Variants in CHAT observed in about 807,000 individuals in gnomAD.
CHAT encodes the protein acetyl CoA:choline O-acetyltransferase.
In CHAT, 61 loss-of-function variants were observed where a neutral mutation model predicts 76.9. The observed-to-expected ratio is 0.79, with a 90% CI of 0.65 to 0.98. The LOEUF (loss-of-function observed/expected upper bound fraction) is 0.98. CHAT is among the 50% of genes least tolerant of loss of function. CHAT has a pLI of 0.00. For missense variants in CHAT, 946 were observed against 986.9 expected (o/e 0.96, Z 0.56); for synonymous variants, 407 against 397.4 (o/e 1.02, Z -0.29).
intron 6 of CHAT, among the ~76,000 whole-genome samples, chr10:49,626,885 G>A (rs779115818): frequency 1.3e-5 from 2 of 152,250 alleles, no homozygotes; most frequent in Non-Finnish European, 2.9e-5. Flanking sequence ...AGCACATGTA[G>A]GTATACATGT....
intron 7 of CHAT, among the ~76,000 whole-genome samples, chr10:49,638,166 A>G (rs1008342669): frequency 6.6e-6 from 1 of 152,176 alleles, no homozygotes; most frequent in Non-Finnish European, 1.5e-5. Context: ...TGGAGGATTT[A>G]TCCTTCACTT....
upstream of CHAT, chr10:49,610,661 C>A (rs956754475): frequency 1.5e-6 from 2 of 1,373,028 alleles, no homozygotes; most frequent in Non-Finnish European, 1.9e-6. Context: ...CCCGAAGTCC[C>A]GTGCCCTCGC....
chr10:49,663,795 C>T (rs533413262), intron 14 of CHAT, among the ~76,000 whole-genome samples: 1 of 152,296 alleles, frequency 6.6e-6, no homozygotes, highest in South Asian at 2.1e-4. Flanking sequence ...AGCATGCAGA[C>T]GTGAATAAAC....
upstream of CHAT, chr10:49,612,054 G>A (rs1838313655): frequency 6.2e-7 from 1 of 1,613,576 alleles, no homozygotes. Flanking sequence ...GGCCCATAGT[G>A]GCAGGCCACA....
At chr10:49,610,698 G>A (rs766891845), upstream of CHAT, 17 of 1,449,588 alleles carry the variant, frequency 1.2e-5, no homozygotes, top group Admixed American at 1.1e-4. Context: ...GCCAGCGCTC[G>A]GCCCTGGCGG....
intron 8 of CHAT, 69 bp from the exon 9 acceptor site, chr10:49,648,438 C>T: frequency 7.9e-7 from 1 of 1,257,986 alleles, no homozygotes; most frequent in Non-Finnish European, 1.2e-6. Context: ...GGGGCCTAAC[C>T]TGGGGCCAAG....
At chr10:49,616,329 C>T (rs769086794) in intron 1 of CHAT, among the ~76,000 whole-genome samples, 173 bp from the exon 2 acceptor site, 3 of 152,102 alleles carry the variant, frequency 2.0e-5, no homozygotes, top group Non-Finnish European at 2.9e-5. Flanking sequence ...GTGGTCAGCA[C>T]GTACAGGTGG....
intron 7 of CHAT, among the ~76,000 whole-genome samples, chr10:49,633,332 C>A (rs964336395): frequency 6.6e-6 from 1 of 152,236 alleles, no homozygotes; most frequent in Non-Finnish European, 1.5e-5. Context: ...ATTAGCAGAG[C>A]ATCCAGGTCC....
intron 6 of CHAT, 60 bp downstream of exon 6, chr10:49,625,713 C>T (rs929097433): frequency 2.6e-5 from 38 of 1,481,312 alleles, no homozygotes; most frequent in East Asian, 1.7e-4. Context: ...CATGCGTTCA[C>T]GTCCATTACC....
intron 14 of CHAT, among the ~76,000 whole-genome samples, chr10:49,664,186 G>A (rs1391422832): frequency 6.6e-6 from 1 of 152,168 alleles, no homozygotes; most frequent in Non-Finnish European, 1.5e-5. Context: ...TTGTGATCTG[G>A]ATTACAAAAT....
At chr10:49,662,883 C>T (rs1840241333) in intron 14 of CHAT, 101 bp downstream of exon 14, 2 of 1,437,460 alleles carry the variant, frequency 1.4e-6, no homozygotes, top group African/African-American at 1.4e-5. Context: ...CAAATCCTGC[C>T]TCTGCTTTTT....
chr10:49,648,452 C>A, intron 8 of CHAT, 55 bp from the exon 9 acceptor site: 1 of 1,414,374 alleles, frequency 7.1e-7, no homozygotes, highest in South Asian at 1.2e-5. Context: ...GGCCAAGGGG[C>A]TGCCTTGCAA....
At chr10:49,657,620 G>A (rs1360978890) in intron 13 of CHAT, among the ~76,000 whole-genome samples, 3 of 152,142 alleles carry the variant, frequency 2.0e-5, no homozygotes, top group Non-Finnish European at 4.4e-5. Context: ...AATACTGTAC[G>A]GAAATTAATT....
intron 5 of CHAT, 49 bp from the exon 6 acceptor site, chr10:49,625,424 C>T: frequency 4.4e-6 from 7 of 1,578,576 alleles, no homozygotes; most frequent in Non-Finnish European, 6.1e-6. Flanking sequence ...CTCCCCTCAC[C>T]ACCCACCATC....
At chr10:49,627,820 T>C (rs1466653563) in intron 7 of CHAT, 35 bp downstream of exon 7, 1 of 1,605,096 alleles carries the variant, frequency 6.2e-7, no homozygotes, top group Non-Finnish European at 8.5e-7. Context: ...TCCATGCCCA[T>C]CTCATGCTCG....
intron 5 of CHAT, among the ~76,000 whole-genome samples, chr10:49,624,671 G>C (rs1023644260): frequency 2.6e-5 from 4 of 152,220 alleles, no homozygotes; most frequent in Admixed American, 1.3e-4. Flanking sequence ...CCTATACGGA[G>C]GACGTGCTTC....
At chr10:49,612,005 C>G (rs753863574), upstream of CHAT, 9 of 1,613,636 alleles carry the variant, frequency 5.6e-6, no homozygotes, top group Non-Finnish European at 7.6e-6. Context: ...AGCGTCTACG[C>G]CATCGCCGAC....
At chr10:49,642,104 C>T (rs1839500354) in intron 7 of CHAT, among the ~76,000 whole-genome samples, 1 of 152,192 alleles carries the variant, frequency 6.6e-6, no homozygotes, top group Admixed American at 6.5e-5. Context: ...CAATCCCCAC[C>T]TCTCACTATT....
At chr10:49,612,492 G>T, upstream of CHAT, 2 of 730,910 alleles carry the variant, frequency 2.7e-6, no homozygotes, top group Non-Finnish European at 4.5e-6. Flanking sequence ...CCCTCCCTGT[G>T]ACCCGTTCCA....
Sources: allele counts gnomAD v4.1 joint callset (sites outside exome capture counted in the v4.1 genomes callset), GRCh38; gene constraint gnomAD v4.1.1; transcripts MANE v1.5; gene names NCBI Gene and HGNC (gene_info 2026-07-23, HGNC 2026-07-21).